POLE2: variants seen among roughly 807,000 people sequenced by gnomAD.
The protein encoded by POLE2 is DNA polymerase epsilon subunit 2.
A neutral mutation model predicts 79.4 loss-of-function variants in POLE2; 56 were observed. That is an observed-to-expected ratio of 0.71 (90% confidence interval 0.57 to 0.88). The LOEUF (loss-of-function observed/expected upper bound fraction) is 0.88, where lower values mean the gene tolerates loss of function less well. Among genes scored for constraint, POLE2 ranks in the 40% least tolerant of loss-of-function variants. POLE2 has a pLI of 0.00. For synonymous variants in POLE2, 212 were observed against 214.0 expected, an observed-to-expected ratio of 0.99 and a Z score of 0.08; for missense variants, 598 against 638.9, an observed-to-expected ratio of 0.94 and a Z score of 0.69.
At chr14:49,649,343 G>A (rs370004347) in intron 17 of POLE2, among the ~76,000 whole-genome samples, 3 of 148,294 alleles carry the variant, frequency 2.0e-5, no homozygotes, top group African/African-American at 7.5e-5. Flanking sequence ...AGACGGGGTT[G>A]CACCATGTTA....
chr14:49,668,960 C>A (rs1387237383), intron 6 of POLE2, among the ~76,000 whole-genome samples: 1 of 152,170 alleles, frequency 6.6e-6, no homozygotes, highest in East Asian at 1.9e-4. Flanking sequence ...AACATCACGC[C>A]TGGCTAATGT....
chr14:49,662,372 A>G (rs888868388), intron 10 of POLE2, among the ~76,000 whole-genome samples: 1 of 152,230 alleles, frequency 6.6e-6, no homozygotes, highest in Admixed American at 6.5e-5. Flanking sequence ...ATCTCGGCTC[A>G]CTGCAACCTC....
intron 1 of POLE2, among the ~76,000 whole-genome samples, chr14:49,685,526 T>TG (rs1207965439): frequency 6.6e-5 from 10 of 152,192 alleles, no homozygotes; most frequent in Admixed American, 5.2e-4. Context: ...ACCATGTCCC[T>TG]GGCCTTCCTG....
At chr14:49,665,288 T>A (rs1396195395) in intron 7 of POLE2, 125 bp from the exon 8 acceptor site, 12 of 605,040 alleles carry the variant, frequency 2.0e-5, no homozygotes, top group Non-Finnish European at 3.3e-5. Flanking sequence ...AATCAGCTAT[T>A]ATTTCTAGTC....
intron 9 of POLE2, among the ~76,000 whole-genome samples, chr14:49,664,273 C>T (rs867656989): frequency 2.0e-5 from 3 of 148,616 alleles, no homozygotes; most frequent in Non-Finnish European, 4.4e-5. Flanking sequence ...CACTTGAACC[C>T]GGGAGGCGGA....
intron 1 of POLE2, among the ~76,000 whole-genome samples, chr14:49,687,300 C>CCACACACACACACACACCA (rs1887215557): frequency 7.2e-6 from 1 of 139,744 alleles, no homozygotes; most frequent in Non-Finnish European, 1.5e-5. Context: ...TACACACACA[C>CCACACACACACACACACCA]CACACACACA....
intron 18 of POLE2, among the ~76,000 whole-genome samples, chr14:49,643,979 G>C (rs1036759229): frequency 6.8e-6 from 1 of 146,840 alleles, no homozygotes; most frequent in Non-Finnish European, 1.5e-5. Flanking sequence ...TCCTGGGTTC[G>C]AGTGATTCTC....
chr14:49,648,609 A>G (rs1215712327), intron 17 of POLE2, among the ~76,000 whole-genome samples: 7 of 152,110 alleles, frequency 4.6e-5, no homozygotes, highest in African/African-American at 2.4e-5. Context: ...CCTCAGGGGG[A>G]CATTTGGCCA....
chr14:49,657,223 G>A (rs1884751559), intron 10 of POLE2, among the ~76,000 whole-genome samples: 1 of 151,894 alleles, frequency 6.6e-6, no homozygotes, highest in Non-Finnish European at 1.5e-5. Context: ...TTTCCTGAAT[G>A]TCACGAATCA....
At chr14:49,651,449 TAC>T (rs1884225227) in intron 15 of POLE2, 72 bp from the exon 16 acceptor site, 1 of 653,740 alleles carries the variant, frequency 1.5e-6, no homozygotes, top group Admixed American at 2.8e-5. Flanking sequence ...TAAAATCTCT[TAC>T]AATACAACCC....
intron 3 of POLE2, among the ~76,000 whole-genome samples, chr14:49,676,980 A>G (rs1160883096): frequency 6.6e-6 from 1 of 152,250 alleles, no homozygotes; most frequent in Admixed American, 6.5e-5. Context: ...TGACTGAGAC[A>G]TCATGGGCCA....
In POLE2 at chr14:49,680,536, T is replaced by C. The variant is rs182021721; in HGVS notation, c.170-736A>G. Among the ~76,000 whole-genome samples, 240 of 152,232 alleles carry C rather than the reference T, an allele frequency of 1.6e-3. 1 individual carries two copies. The highest frequency in any genetic ancestry group is 2.9e-3 in the Non-Finnish European group (194 of 68,018). Reference sequence around the variant, plus strand: ...TATTTACAAGTATTATTCCACTGGGTAGATGTCCTGTAAGACTGATGTTAA... The same window carrying C: ...TATTTACAAGTATTATTCCACTGGGCAGATGTCCTGTAAGACTGATGTTAA... On this transcript the variant is annotated intron_variant, in intron 2 of 18. Coordinates refer to ENST00000216367, the MANE Select transcript of POLE2 (RefSeq NM_002692.4).
At chr14:49,685,674 A>G (rs1319419111) in intron 1 of POLE2, among the ~76,000 whole-genome samples, 1 of 151,790 alleles carries the variant, frequency 6.6e-6, no homozygotes, top group Non-Finnish European at 1.5e-5. Flanking sequence ...GCTGAAGTGC[A>G]GTGGCGTAAT....
At chr14:49,652,263 C>CAAAAAAAAAAAAAAAAAAAAAAAAAAAA (rs969678798) in intron 15 of POLE2, among the ~76,000 whole-genome samples, 1 of 6,088 alleles carries the variant, frequency 1.6e-4, no homozygotes, top group Non-Finnish European at 4.2e-4. Flanking sequence ...GACTCCGTCT[C>CAAAAAAAAAAAAAAAAAAAAAAAAAAAA]AAAAAAAAAA....
chr14:49,653,349 CTTA>C (rs1290383703), intron 15 of POLE2, among the ~76,000 whole-genome samples: 1 of 152,140 alleles, frequency 6.6e-6, no homozygotes, highest in African/African-American at 2.4e-5. Context: ...ACAGGAAGAA[CTTA>C]TGATTACAAT....
At chr14:49,672,205 G>A (rs1015629027) in intron 5 of POLE2, among the ~76,000 whole-genome samples, 3 of 152,218 alleles carry the variant, frequency 2.0e-5, no homozygotes, top group Non-Finnish European at 2.9e-5. Context: ...GGCCAATTAT[G>A]TGTGAGAGAA....
chr14:49,682,825 T>C (rs578091930), intron 2 of POLE2, among the ~76,000 whole-genome samples: 4 of 149,782 alleles, frequency 2.7e-5, no homozygotes, highest in Non-Finnish European at 2.9e-5. Flanking sequence ...AGCCATTCTA[T>C]TAAAAAAAAA....
At chr14:49,687,049 C>T (rs1468637785) in intron 1 of POLE2, among the ~76,000 whole-genome samples, 2 of 151,922 alleles carry the variant, frequency 1.3e-5, no homozygotes, top group Non-Finnish European at 2.9e-5. Context: ...TCTGGGAGGC[C>T]ACGGCGCGAG....
intron 15 of POLE2, among the ~76,000 whole-genome samples, chr14:49,652,762 T>C (rs1884365384): frequency 6.6e-6 from 1 of 152,074 alleles, no homozygotes; most frequent in South Asian, 2.1e-4. Context: ...TGGTAAGTTG[T>C]ATAATTGTTT....
Sources: gnomAD v4.1 joint callset for allele counts (sites outside exome capture counted in the v4.1 genomes callset) on GRCh38, gnomAD v4.1.1 for gene constraint, MANE v1.5 for transcripts, NCBI Gene and HGNC (gene_info 2026-07-23, HGNC 2026-07-21) for gene names.